The following KCNQ1 variants were observed in gnomAD, a reference collection of about 807,000 sequenced individuals.
KCNQ1 encodes the protein potassium voltage-gated channel subfamily KQT member 1.
Under a neutral mutation model 72.4 loss-of-function variants are expected in KCNQ1, and 49 were observed. The observed-to-expected ratio is 0.68, with a 90% CI of 0.54 to 0.86. The LOEUF (loss-of-function observed/expected upper bound fraction) is 0.86, where lower values mean the gene tolerates loss of function less well. Among genes scored for constraint, KCNQ1 ranks in the 40% least tolerant of loss-of-function variants. The pLI, the probability that KCNQ1 is intolerant of heterozygous loss-of-function variation, is 0.00. For missense variants in KCNQ1, 790 were observed against 945.1 expected, an observed-to-expected ratio of 0.84 and a Z score of 2.15; for synonymous variants, 450 against 412.6, an observed-to-expected ratio of 1.09 and a Z score of -1.10.
chr11:2,520,000 C>T (rs563584744), intron 1 of KCNQ1, among the ~76,000 whole-genome samples: 9 of 152,374 alleles, frequency 5.9e-5, no homozygotes, highest in East Asian at 1.9e-4. Flanking sequence ...CCACCCAGGA[C>T]GCGGGAGCCC....
At chr11:2,560,495 TTCA>T (rs1273346155) in intron 2 of KCNQ1, among the ~76,000 whole-genome samples, 1 of 68,196 alleles carries the variant, frequency 1.5e-5, no homozygotes, top group Non-Finnish European at 2.6e-5. Flanking sequence ...GCGGGTGATG[TTCA>T]TCCTTGGGGG....
rs1438338744 is a variant in KCNQ1, at chr11:2,537,828, A to G, written c.477+9810A>G. 6.6e-6 allele frequency among the ~76,000 whole-genome samples: 1 copy of G among 151,842 alleles called. No homozygotes were observed. The highest frequency in any genetic ancestry group is 1.9e-4 in the East Asian group (1 of 5,176). ...CGGCCTCCTGGCCTCAAGTGTTCCC[A>G]CTTCAGCCTCCTGAGCAGCTGGGAC... On this transcript the variant is annotated intron_variant, in intron 2 of 15. Transcript: ENST00000155840. The surrounding 1 kb of genome is among the most constrained non-coding windows in gnomAD (Gnocchi z 5.2).
At chr11:2,841,987 G>T (rs950724207) in intron 15 of KCNQ1, among the ~76,000 whole-genome samples, 1 of 152,208 alleles carries the variant, frequency 6.6e-6, no homozygotes, top group Non-Finnish European at 1.5e-5. Flanking sequence ...GGCCTCTGCC[G>T]CATGGTTGCG....
chr11:2,811,697 C>T (rs1430586855), intron 15 of KCNQ1, among the ~76,000 whole-genome samples: 1 of 152,184 alleles, frequency 6.6e-6, no homozygotes, highest in African/African-American at 2.4e-5. Context: ...GTCAGCAGAC[C>T]CCTGGCTGGA....
Position 2,593,001 on chromosome 11 carries a change from A to C in KCNQ1, c.1393+4147A>C, listed in dbSNP as rs372596346. 8.2e-4 allele frequency among the ~76,000 whole-genome samples: 124 copies of C among 152,072 alleles called. No individual in the cohort carries two copies. The highest frequency in any genetic ancestry group is 2.7e-3 in the African/African-American group (114 of 41,500). Reference sequence around the variant, plus strand: ...GAGCCGCCTCCATCCTGAGCTGCCTACCCTGCCCCTCCTCCACTCCAGTTG... The same window carrying C: ...GAGCCGCCTCCATCCTGAGCTGCCTCCCCTGCCCCTCCTCCACTCCAGTTG... On this transcript the variant is annotated intron_variant, in intron 10 of 15. Transcript: ENST00000155840. The surrounding 1 kb of genome is among the most constrained non-coding windows in gnomAD (Gnocchi z 6.9).
At chr11:2,693,434 C>A (rs1850621619) in intron 11 of KCNQ1, 1 of 398,584 alleles carries the variant, frequency 2.5e-6, no homozygotes, top group Non-Finnish European at 4.4e-6. Flanking sequence ...TTGCCAGGCG[C>A]TGGCCCCCCA....
chr11:2,777,013 A>G lies in KCNQ1; in HGVS notation c.1713A>G (p.Ser571=), dbSNP rs1846718527. 1 of 1,613,936 alleles carries G rather than the reference A, an allele frequency of 6.2e-7. No homozygotes were observed. The change falls in exon 14 of 16, where the codon TCA becomes TCG. Residue 571 remains serine, a synonymous_variant. Transcript: ENST00000155840. ...RRLDQSIGKP[S]LFISVSEKSK... ...TGGACCAGTCCATTGGGAAGCCCTC[A>G]CTGTTCATCTCCGTCTCAGGTGGGT...
At chr11:2,716,221 C>T (rs1040514867) in intron 11 of KCNQ1, among the ~76,000 whole-genome samples, 6 of 152,106 alleles carry the variant, frequency 3.9e-5, no homozygotes, top group African/African-American at 4.8e-5. Flanking sequence ...GTACCCTCTC[C>T]GGGCCAGGCT....
rs1388897830 is a variant in KCNQ1, at chr11:2,564,556, C to T, written c.478-6072C>T. Among the ~76,000 whole-genome samples the T allele has an allele frequency of 2.6e-5, 4 of 152,252 alleles. No individual in the cohort carries two copies. Among genetic ancestry groups the T allele is most frequent in the Non-Finnish European group, 5.9e-5 (4 of 68,044 alleles). The stretch of plus-strand genomic sequence containing the variant: ...GTTGCAGTGAGCTGAGATGGTGCCA[C>T]TGCACTCCTGCCTGGGCAACAGAGC... On this transcript the variant is annotated intron_variant, in intron 2 of 15. Transcript: ENST00000155840. This position sits in a 1 kb window ranked among gnomAD's most constrained non-coding sequence, Gnocchi z 4.5.
intron 11 of KCNQ1, chr11:2,665,475 G>A (rs1850050357): frequency 7.6e-6 from 3 of 396,236 alleles, no homozygotes. Flanking sequence ...GGTGGGGACG[G>A]TGCCATGCCT....
At chr11:2,770,217 C>G (rs1480917090) in intron 12 of KCNQ1, among the ~76,000 whole-genome samples, 1 of 152,198 alleles carries the variant, frequency 6.6e-6, no homozygotes, top group Admixed American at 6.5e-5. Context: ...CCCCACCCAT[C>G]TGGGCCCTGG....
chr11:2,496,465 T>TA (rs202080434), intron 1 of KCNQ1, among the ~76,000 whole-genome samples: 1,667 of 132,394 alleles, frequency 0.013, 31 homozygotes, highest in African/African-American at 0.036. Flanking sequence ...AAAATAAAAT[T>TA]AAAAAAAATG....
At chr11:2,693,069 CAT>C in intron 11 of KCNQ1, 1 of 398,662 alleles carries the variant, frequency 2.5e-6, no homozygotes. Flanking sequence ...TCCAGTTAGC[CAT>C]AGAGGGGAAT....
rs990086069 is a variant in KCNQ1 at position 2,482,190 on chromosome 11, G to A, written c.386+36706G>A. On this transcript the variant is annotated intron_variant, in intron 1 of 15. Coordinates refer to ENST00000155840, the MANE Select transcript of KCNQ1 (RefSeq NM_000218.3). The surrounding 1 kb of genome is among the most constrained non-coding windows in gnomAD (Gnocchi z 5.7). ...TGAGCAGGGTAACCCCTATCACTGC[G>A]TGTGTGTGTGTGTATATGTGTGTGT... Among the ~76,000 whole-genome samples, 4 of 151,450 alleles carry A rather than the reference G, an allele frequency of 2.6e-5. No homozygotes were observed. The highest frequency in any genetic ancestry group is 4.2e-4 in the South Asian group (2 of 4,806).
intron 10 of KCNQ1, chr11:2,609,524 T>C (rs1848941904): frequency 2.5e-6 from 1 of 398,396 alleles, no homozygotes; most frequent in Non-Finnish European, 4.4e-6. Flanking sequence ...TGCTCTATAA[T>C]TACCTTTTGA....
Position 2,508,234 on chromosome 11 carries a change from G to A in KCNQ1, c.387-19694G>A, listed in dbSNP as rs575332257. ...GTACCACAACCTCCACCAACCCATG[G>A]TGGTCACCAAGGGTCTTTGGGCTCC... On this transcript the variant is annotated intron_variant, in intron 1 of 15. Transcript: ENST00000155840. The surrounding 1 kb of genome is among the most constrained non-coding windows in gnomAD (Gnocchi z 6.2). Among the ~76,000 whole-genome samples, 1 of 152,188 alleles carries A rather than the reference G, an allele frequency of 6.6e-6. No homozygotes were observed. Among genetic ancestry groups the A allele is most frequent in the Non-Finnish European group, 1.5e-5 (1 of 68,030 alleles).
Position 2,515,690 on chromosome 11 carries a change from G to C in KCNQ1, c.387-12238G>C, listed in dbSNP as rs1454642675. On this transcript the variant is annotated intron_variant, in intron 1 of 15. Transcript: ENST00000155840. This position sits in a 1 kb window ranked among gnomAD's most constrained non-coding sequence, Gnocchi z 4.7. The stretch of plus-strand genomic sequence containing the variant: ...TAGGGCAGATAGGGCCACATCCATG[G>C]GGTCACTTCAGTTTGTCCTCCCGGC... 6.6e-6 allele frequency among the ~76,000 whole-genome samples: 1 copy of C among 152,118 alleles called. No homozygotes were observed. Among genetic ancestry groups the C allele is most frequent in the Non-Finnish European group, 1.5e-5 (1 of 67,994 alleles).
At chr11:2,797,016 A>G (rs1170805605) in intron 15 of KCNQ1, among the ~76,000 whole-genome samples, 3 of 152,222 alleles carry the variant, frequency 2.0e-5, no homozygotes, top group Non-Finnish European at 4.4e-5. Context: ...TTTACAACGT[A>G]TGGGCTGGTG....
Position 2,711,158 on chromosome 11 carries a change from C to G in KCNQ1, c.1514+49077C>G, listed in dbSNP as rs1016882917. On this transcript the variant is annotated intron_variant, in intron 11 of 15. Coordinates refer to ENST00000155840, the MANE Select transcript of KCNQ1 (RefSeq NM_000218.3). This position sits in a 1 kb window ranked among gnomAD's most constrained non-coding sequence, Gnocchi z 5.4. Reference sequence around the variant, plus strand: ...TTTTAAAAATTTGGTTCAAGAATATCTCATAGTTTTCAGTATAGTTTTTGC... The same window carrying G: ...TTTTAAAAATTTGGTTCAAGAATATGTCATAGTTTTCAGTATAGTTTTTGC... Among the ~76,000 whole-genome samples the G allele has an allele frequency of 1.3e-5, 2 of 152,192 alleles. No homozygotes were observed. The highest frequency in any genetic ancestry group is 1.3e-4 in the Admixed American group (2 of 15,278).
Sources: allele counts gnomAD v4.1 joint callset (sites outside exome capture counted in the v4.1 genomes callset), GRCh38; gene constraint gnomAD v4.1.1; non-coding constraint Gnocchi (gnomAD v3.1); transcripts MANE v1.5; gene names NCBI Gene and HGNC (gene_info 2026-07-23, HGNC 2026-07-21).